The following NTM variants were observed in gnomAD, a reference collection of about 807,000 sequenced individuals.
The protein encoded by NTM is neurotrimin, also known as IgLON family member 2.
In NTM, 13 loss-of-function variants were observed where a neutral mutation model predicts 42.1. That is an observed-to-expected ratio of 0.31 (90% CI 0.20 to 0.49). The LOEUF (loss-of-function observed/expected upper bound fraction) is 0.49, where lower values mean the gene tolerates loss of function less well. Ranked by LOEUF, NTM falls within the 20% of genes least tolerant of loss-of-function variation. The pLI is 0.99. For missense variants in NTM, 373 were observed against 452.8 expected (o/e 0.82, Z 1.60); for synonymous variants, 187 against 179.2 (o/e 1.04, Z -0.35).
At chr11:131,988,086 T>G (rs2066383119) in intron 2 of NTM, among the ~76,000 whole-genome samples, 1 of 152,216 alleles carries the variant, frequency 6.6e-6, no homozygotes, top group African/African-American at 2.4e-5. Context: ...GAGAGTCCAT[T>G]TCCTCAGATG....
chr11:132,288,521 T>C (rs1257089539), intron 4 of NTM, among the ~76,000 whole-genome samples: 4 of 152,276 alleles, frequency 2.6e-5, no homozygotes, highest in Admixed American at 2.6e-4. Flanking sequence ...CCACTTGAAC[T>C]GAACGGAATA....
intron 2 of NTM, among the ~76,000 whole-genome samples, chr11:131,998,200 C>A (rs2068448812): frequency 6.6e-6 from 1 of 152,262 alleles, no homozygotes; most frequent in Admixed American, 6.5e-5. Context: ...ACTGCAGAAA[C>A]CCTTGGAGTA....
intron 1 of NTM, among the ~76,000 whole-genome samples, chr11:131,427,585 C>T (rs1948271388): frequency 6.6e-6 from 1 of 152,180 alleles, no homozygotes; most frequent in Admixed American, 6.5e-5. Flanking sequence ...TCCCTTAATG[C>T]CTCCTGTCCC....
chr11:131,550,671 C>G (rs534513035), intron 1 of NTM, among the ~76,000 whole-genome samples: 1 of 152,072 alleles, frequency 6.6e-6, no homozygotes, highest in Non-Finnish European at 1.5e-5. Context: ...TATAAATTAC[C>G]CAGTTTCAGG....
intron 3 of NTM, 76 bp from the exon 4 acceptor site, chr11:132,211,946 C>T: frequency 6.7e-7 from 1 of 1,490,132 alleles, no homozygotes; most frequent in Non-Finnish European, 9.1e-7. Flanking sequence ...CTGGACTGTT[C>T]TGCCAACTAC....
At chr11:131,613,076 C>T (rs1042252948) in intron 1 of NTM, among the ~76,000 whole-genome samples, 10 of 152,216 alleles carry the variant, frequency 6.6e-5, no homozygotes, top group Admixed American at 6.5e-4. Context: ...GGTCTGTCCT[C>T]CTCATTCAAG....
At chr11:131,493,173 A>T (rs1954977544) in intron 1 of NTM, among the ~76,000 whole-genome samples, 1 of 152,120 alleles carries the variant, frequency 6.6e-6, no homozygotes, top group Admixed American at 6.5e-5. Flanking sequence ...AGGGAGGTTG[A>T]TGCCGTAGTG....
chr11:131,440,249 G>A lies in NTM; in HGVS notation c.82+69361G>A, dbSNP rs373469833. Among the ~76,000 whole-genome samples, 144 of 151,958 alleles carry A rather than the reference G, an allele frequency of 9.5e-4. 2 individuals carry two copies. The South Asian group carries it at 0.029, about 30-fold the overall frequency. ...AGTTCTTTATTATTCTCTGCTTATTGTTATTTATTTATTTTTCTGTTGAGA... is the reference window on the plus strand; with the variant it reads ...AGTTCTTTATTATTCTCTGCTTATTATTATTTATTTATTTTTCTGTTGAGA... On this transcript the variant is annotated intron_variant, in intron 1 of 8. Transcript: ENST00000683400.
chr11:131,883,933 GT>G (rs767062356), intron 1 of NTM, among the ~76,000 whole-genome samples: 7 of 152,324 alleles, frequency 4.6e-5, no homozygotes, highest in Admixed American at 4.6e-4. Context: ...AGGGATGCAT[GT>G]TTGTGTGCAC....
chr11:132,298,660 T>C (rs926245486), intron 4 of NTM, among the ~76,000 whole-genome samples: 3 of 152,220 alleles, frequency 2.0e-5, no homozygotes, highest in Non-Finnish European at 4.4e-5. Flanking sequence ...ACACTTTAAG[T>C]TGAAGCTTCT....
At chr11:131,479,375 G>A (rs1224645066) in intron 1 of NTM, among the ~76,000 whole-genome samples, 1 of 152,190 alleles carries the variant, frequency 6.6e-6, no homozygotes, top group African/African-American at 2.4e-5. Flanking sequence ...GAGAGAGCAT[G>A]AGAGGTTCGA....
chr11:131,559,413 C>T (rs193232822), intron 1 of NTM, among the ~76,000 whole-genome samples: 115 of 152,310 alleles, frequency 7.6e-4, no homozygotes, highest in African/African-American at 2.8e-3. Flanking sequence ...TAAGAATATG[C>T]TTTGCTTCTC....
intron 1 of NTM, among the ~76,000 whole-genome samples, chr11:131,395,347 T>A (rs183895168): frequency 7.4e-4 from 113 of 152,338 alleles, no homozygotes; most frequent in Non-Finnish European, 1.3e-3. Context: ...CATAAAACAT[T>A]TAGAAAATGT....
chr11:131,946,292 T>C (rs543581077), intron 2 of NTM, among the ~76,000 whole-genome samples: 1 of 152,058 alleles, frequency 6.6e-6, no homozygotes, highest in Non-Finnish European at 1.5e-5. Flanking sequence ...ATGTGCTTTT[T>C]AAACAAGAAT....
At chr11:132,228,139 G>T (rs2086704176) in intron 4 of NTM, among the ~76,000 whole-genome samples, 1 of 152,188 alleles carries the variant, frequency 6.6e-6, no homozygotes. Flanking sequence ...GGGAGTGGAA[G>T]TGCAGGGGCA....
intron 4 of NTM, among the ~76,000 whole-genome samples, chr11:132,247,654 G>T (rs2091371304): frequency 2.0e-5 from 3 of 152,168 alleles, no homozygotes; most frequent in Admixed American, 2.0e-4. Context: ...TCTTCAAGCA[G>T]GAGGTGGGCC....
intron 4 of NTM, among the ~76,000 whole-genome samples, chr11:132,213,796 G>C (rs1010224879): frequency 1.7e-5 from 1 of 58,798 alleles, no homozygotes; most frequent in African/African-American, 5.1e-5. Flanking sequence ...GTGCAGTGGC[G>C]GGATCTCGGC....
chr11:132,214,924 T>G (rs2083523247), intron 4 of NTM, among the ~76,000 whole-genome samples: 1 of 152,170 alleles, frequency 6.6e-6, no homozygotes, highest in Admixed American at 6.5e-5. Flanking sequence ...TGATGAGACA[T>G]GCCAAGCAAT....
At chr11:131,535,581 C>A (rs572733968) in intron 1 of NTM, 3 of 152,322 alleles carry the variant, frequency 2.0e-5, no homozygotes, top group African/African-American at 7.2e-5. Context: ...CCTGTCCCCT[C>A]CCATTCCAGG....
Sources: allele counts gnomAD v4.1 joint callset (sites outside exome capture counted in the v4.1 genomes callset), GRCh38; gene constraint gnomAD v4.1.1; transcripts MANE v1.5; gene names NCBI Gene and HGNC (gene_info 2026-07-23, HGNC 2026-07-21).